NEGR1: variants seen among roughly 807,000 people sequenced by gnomAD.
The protein encoded by NEGR1 is neuronal growth regulator 1.
In NEGR1, 10 loss-of-function variants were observed where a neutral mutation model predicts 40.9. That is an observed-to-expected ratio of 0.24 (90% CI 0.15 to 0.42). NEGR1 has a LOEUF of 0.42. NEGR1 is among the 10% of genes least tolerant of loss of function. The probability of loss-of-function intolerance (pLI) is 1.00; values close to 1 mark genes in which losing one functional copy is unlikely to be tolerated. For synonymous variants in NEGR1, 185 were observed against 166.8 expected, an observed-to-expected ratio of 1.11 and a Z score of -0.84; for missense variants, 352 against 438.9, an observed-to-expected ratio of 0.80 and a Z score of 1.77.
At chr1:72,067,868 T>A (rs1018058474) in intron 1 of NEGR1, among the ~76,000 whole-genome samples, 5 of 152,194 alleles carry the variant, frequency 3.3e-5, no homozygotes, top group African/African-American at 1.2e-4. Context: ...ATATTCATTA[T>A]AAAATATTTG....
At chr1:71,539,729 T>A (rs1647629738) in intron 6 of NEGR1, among the ~76,000 whole-genome samples, 1 of 151,740 alleles carries the variant, frequency 6.6e-6, no homozygotes, top group South Asian at 2.1e-4. Flanking sequence ...GTATAAATAT[T>A]GCCATACTTA....
At chr1:71,723,818 T>C (rs1654587381) in intron 3 of NEGR1, among the ~76,000 whole-genome samples, 3 of 152,068 alleles carry the variant, frequency 2.0e-5, no homozygotes, top group Admixed American at 1.3e-4. Flanking sequence ...GGATTTGTAA[T>C]TGGTGTGTAA....
At chr1:71,928,353 T>G (rs1645812876) in intron 2 of NEGR1, among the ~76,000 whole-genome samples, 1 of 79,404 alleles carries the variant, frequency 1.3e-5, no homozygotes, top group Non-Finnish European at 2.5e-5. Context: ...CACATGTGTA[T>G]ATATATATAC....
At chr1:71,934,989 T>A in intron 2 of NEGR1, 90 bp downstream of exon 2, 1 of 736,640 alleles carries the variant, frequency 1.4e-6, no homozygotes, top group Admixed American at 2.5e-5. Flanking sequence ...ATTTCAACAT[T>A]GTTAACTGCT....
chr1:71,684,185 A>G (rs1832037), intron 4 of NEGR1, among the ~76,000 whole-genome samples: 149,586 of 152,124 alleles, frequency 0.98, 73,585 homozygotes, highest in Middle Eastern at 1. Context: ...TAGGAGAATG[A>G]CGTGAACCCG....
chr1:71,817,613 G>T (rs990340824), intron 2 of NEGR1, among the ~76,000 whole-genome samples: 2 of 151,784 alleles, frequency 1.3e-5, no homozygotes, highest in African/African-American at 4.9e-5. Context: ...TTTCCCACCT[G>T]CAGGCAATGA....
intron 6 of NEGR1, among the ~76,000 whole-genome samples, chr1:71,578,387 C>T (rs1001634736): frequency 1.3e-5 from 2 of 152,066 alleles, no homozygotes; most frequent in African/African-American, 4.8e-5. Flanking sequence ...GCTAGTAATT[C>T]ATTGGATAGA....
At chr1:72,102,634 C>T (rs886263029) in intron 1 of NEGR1, among the ~76,000 whole-genome samples, 41 of 152,004 alleles carry the variant, frequency 2.7e-4, no homozygotes, top group African/African-American at 8.9e-4. Context: ...TATCTGCATA[C>T]TTACGAAAGC....
chr1:71,471,632 CT>C (rs1646782794), intron 6 of NEGR1, among the ~76,000 whole-genome samples: 2 of 146,312 alleles, frequency 1.4e-5, no homozygotes, highest in African/African-American at 5.1e-5. Flanking sequence ...GAGACTCTGT[CT>C]AAAACAAAAC....
chr1:72,077,158 T>C (rs940736334), intron 1 of NEGR1, among the ~76,000 whole-genome samples: 1 of 151,996 alleles, frequency 6.6e-6, no homozygotes, highest in Non-Finnish European at 1.5e-5. Context: ...CCTCCCAAAG[T>C]GCTGGGATTA....
chr1:71,509,006 C>T (rs998381645), intron 6 of NEGR1, among the ~76,000 whole-genome samples: 4 of 152,106 alleles, frequency 2.6e-5, no homozygotes, highest in African/African-American at 9.7e-5. Context: ...CAACCCCAAA[C>T]CCTAATACTT....
At chr1:71,897,760 G>A (rs1268840209) in intron 2 of NEGR1, among the ~76,000 whole-genome samples, 1 of 152,062 alleles carries the variant, frequency 6.6e-6, no homozygotes, top group Non-Finnish European at 1.5e-5. Context: ...TGTGTTGTTT[G>A]TTTTTATCCA....
Position 71,397,319 on chromosome 1 carries a change from G to A in NEGR1, c.*10127C>T, listed in dbSNP as rs1646219146. The A allele has an allele frequency of 6.5e-6, 1 of 154,344 alleles. No individual in the cohort carries two copies. Among genetic ancestry groups the A allele is most frequent in the Non-Finnish European group, 1.4e-5 (1 of 69,834 alleles). 9.6% of individuals were successfully genotyped at this position (154,344 alleles called of 1,614,324 possible). On this transcript the variant is annotated 3_prime_UTR_variant, in exon 7 of 7. Transcript: ENST00000357731. ...TTGGGTGTTGTTAAAGGCATTCAGTGTTCTGTTCTGTTTTGTTTTGTTTTT... is the reference window on the plus strand; with the variant it reads ...TTGGGTGTTGTTAAAGGCATTCAGTATTCTGTTCTGTTTTGTTTTGTTTTT...
chr1:72,109,604 T>G (rs1330483795), intron 1 of NEGR1, among the ~76,000 whole-genome samples: 2 of 151,684 alleles, frequency 1.3e-5, no homozygotes, highest in African/African-American at 2.4e-5. Flanking sequence ...TTCTTCATCT[T>G]TCTATTTGCT....
chr1:72,072,513 C>T (rs1312592389), intron 1 of NEGR1, among the ~76,000 whole-genome samples: 4 of 152,112 alleles, frequency 2.6e-5, no homozygotes, highest in African/African-American at 9.7e-5. Context: ...ATCTAATATA[C>T]TTTTCCTATA....
intron 1 of NEGR1, among the ~76,000 whole-genome samples, chr1:72,138,782 T>G (rs1162197764): frequency 6.6e-6 from 1 of 152,014 alleles, no homozygotes; most frequent in Non-Finnish European, 1.5e-5. Flanking sequence ...GTTGGAGATT[T>G]AAATATCCAT....
At chr1:71,698,680 G>A (rs979952557) in intron 3 of NEGR1, among the ~76,000 whole-genome samples, 1 of 151,852 alleles carries the variant, frequency 6.6e-6, no homozygotes, top group Non-Finnish European at 1.5e-5. Context: ...GAAAGGTACA[G>A]TGTACATGCT....
rs539640298 is a variant in NEGR1, at chr1:71,882,831, C to T, written c.409+52248G>A. 8.6e-5 allele frequency among the ~76,000 whole-genome samples: 13 copies of T among 151,754 alleles called. 2 individuals carry two copies. The South Asian group carries it at 2.7e-3, about 32-fold the overall frequency. Reference sequence around the variant, plus strand: ...ACACAGATACTTTTCCTACCATTTACTGGCTATGTGATTATGAGTAATTTC... The same window carrying T: ...ACACAGATACTTTTCCTACCATTTATTGGCTATGTGATTATGAGTAATTTC... On this transcript the variant is annotated intron_variant, in intron 2 of 6. Transcript: ENST00000357731.
At chr1:71,588,700 G>C (rs769566425) in intron 6 of NEGR1, among the ~76,000 whole-genome samples, 1 of 152,124 alleles carries the variant, frequency 6.6e-6, no homozygotes, top group African/African-American at 2.4e-5. Flanking sequence ...AGGGGTTTAA[G>C]TTGTCTTCAT....
Sources: allele counts gnomAD v4.1 joint callset (sites outside exome capture counted in the v4.1 genomes callset), GRCh38; gene constraint gnomAD v4.1.1; transcripts MANE v1.5; gene names NCBI Gene and HGNC (gene_info 2026-07-23, HGNC 2026-07-21).